SPAG9: variants seen among roughly 807,000 people sequenced by gnomAD.
SPAG9 encodes sperm associated antigen 9, also known as C-Jun-amino-terminal kinase-interacting protein 4.
Under a neutral mutation model 166.5 loss-of-function variants are expected in SPAG9, and 35 were observed. The ratio of observed to expected loss-of-function variants is 0.21; its 90% CI spans 0.16 to 0.28. The LOEUF (loss-of-function observed/expected upper bound fraction) is 0.28. SPAG9 is among the 10% of genes least tolerant of loss of function. The pLI is 1.00. For missense variants in SPAG9, 1,235 were observed against 1,603.3 expected (o/e 0.77, Z 3.92); for synonymous variants, 534 against 565.5 (o/e 0.94, Z 0.79).
chr17:51,063,545 T>G (rs2047577601), intron 2 of SPAG9, among the ~76,000 whole-genome samples: 1 of 152,208 alleles, frequency 6.6e-6, no homozygotes, highest in African/African-American at 2.4e-5. Flanking sequence ...GTCTGTAACC[T>G]GTTAAATAAC....
intron 1 of SPAG9, among the ~76,000 whole-genome samples, chr17:51,110,975 G>A (rs1378363762): frequency 1.3e-5 from 2 of 152,066 alleles, no homozygotes; most frequent in Admixed American, 1.3e-4. Context: ...AATTAGCCGG[G>A]TGTGGTGGCG....
chr17:51,032,565 A>G (rs1224737059), intron 5 of SPAG9, among the ~76,000 whole-genome samples: 1 of 152,180 alleles, frequency 6.6e-6, no homozygotes. Flanking sequence ...ACAAAGCAAC[A>G]GTTTCAAATA....
chr17:50,990,718 A>AT lies in SPAG9; in HGVS notation c.2399-51dup, dbSNP rs771696434. On this transcript the variant is annotated intron_variant, in intron 19 of 29. Transcript: ENST00000262013. The stretch of plus-strand genomic sequence containing the variant: ...AGCAAAGTAAACTTCTATAAATAAC[A>AT]TTTTTTTTACTAAAACAATTACAGG... The AT allele has an allele frequency of 6.2e-5, 91 of 1,472,146 alleles. 1 individual carries two copies. Among genetic ancestry groups the AT allele is most frequent in the African/African-American group, 1.7e-4 (12 of 71,862 alleles). 91.2% of individuals were successfully genotyped at this position (1,472,146 alleles called of 1,614,324 possible).
In SPAG9 at chr17:50,982,614, G is replaced by A; in HGVS notation, c.3147C>T (p.Ser1049=). Residue 1049 remains serine (S), a synonymous_variant, in exon 25 of 30, where the codon TCC becomes TCT. Coordinates refer to ENST00000262013, the MANE Select transcript of SPAG9 (RefSeq NM_001130528.3). ...CATGTACCACAGTCATGCAACGGAT[G>A]GAATGATGAGGCCGTCCAAGGTCTA... The part of the protein sequence containing the change: ...HLLDLGRPHH[S]IRCMTVVHDK... 1.2e-6 allele frequency: 2 copies of A among 1,613,814 alleles called. No individual in the cohort carries two copies. The highest frequency in any genetic ancestry group is 1.7e-6 in the Non-Finnish European group (2 of 1,179,860).
At chr17:51,053,871 A>AG (rs2047271626) in intron 3 of SPAG9, among the ~76,000 whole-genome samples, 40 of 97,336 alleles carry the variant, frequency 4.1e-4, no homozygotes, top group African/African-American at 1.7e-3. Flanking sequence ...ATATATATAT[A>AG]TATATATATA....
rs58721041 is a variant in SPAG9 at position 51,099,759 on chromosome 17, T to TAAAAAAA, written c.304-20062_304-20056dup. 3.2e-4 allele frequency among the ~76,000 whole-genome samples: 14 copies of TAAAAAAA among 43,650 alleles called. 1 individual carries two copies. Among genetic ancestry groups the TAAAAAAA allele is most frequent in the African/African-American group, 6.2e-4 (9 of 14,456 alleles). 28.6% of individuals were successfully genotyped at this position (43,650 alleles called of 152,430 possible). A position where few individuals can be genotyped will look rare whatever the true frequency, so the allele number is the denominator to read the frequency against. On this transcript the variant is annotated intron_variant, in intron 1 of 29. Coordinates refer to ENST00000262013, the MANE Select transcript of SPAG9 (RefSeq NM_001130528.3). ...TGTTATGAAAATATTCTTCTATTAC[T>TAAAAAAA]AAAAAAAAAAAAAAAAAAAAAAAAA...
intron 25 of SPAG9, among the ~76,000 whole-genome samples, 163 bp from the exon 26 acceptor site, chr17:50,980,080 G>A (rs1974483545): frequency 1.3e-5 from 2 of 152,110 alleles, no homozygotes; most frequent in Non-Finnish European, 2.9e-5. Context: ...ATCCTGGAAT[G>A]CAAAAAATAA....
At chr17:51,099,837 C>T (rs954409171) in intron 1 of SPAG9, among the ~76,000 whole-genome samples, 5 of 149,576 alleles carry the variant, frequency 3.3e-5, no homozygotes, top group East Asian at 2.0e-4. Context: ...CAGTGGCTCA[C>T]GCCTGTAATC....
At chr17:50,973,343 G>T (rs1360473404) in intron 28 of SPAG9, among the ~76,000 whole-genome samples, 1 of 152,108 alleles carries the variant, frequency 6.6e-6, no homozygotes, top group Non-Finnish European at 1.5e-5. Flanking sequence ...GGGATACAAA[G>T]GAGATTTAAA....
At chr17:51,007,351 C>G (rs761462463) in intron 9 of SPAG9, 25 bp from the exon 10 acceptor site, 1 of 1,403,788 alleles carries the variant, frequency 7.1e-7, no homozygotes, top group South Asian at 1.3e-5. Context: ...AAGATAAAGA[C>G]TTTGAAAATA....
chr17:51,077,021 TCTAG>T (rs1249662126), intron 2 of SPAG9, among the ~76,000 whole-genome samples: 1 of 76,122 alleles, frequency 1.3e-5, no homozygotes, highest in African/African-American at 6.7e-5. Context: ...TAGCTAGCTA[TCTAG>T]CTATCTATCT....
At chr17:51,034,933 T>C (rs935344965) in intron 5 of SPAG9, among the ~76,000 whole-genome samples, 1 of 152,142 alleles carries the variant, frequency 6.6e-6, no homozygotes, top group Admixed American at 6.5e-5. Context: ...CCAGTACTCT[T>C]CAAAAGTCTC....
At chr17:51,040,954 GTTTATA>G (rs2046815495) in intron 5 of SPAG9, among the ~76,000 whole-genome samples, 1 of 152,254 alleles carries the variant, frequency 6.6e-6, no homozygotes, top group Admixed American at 6.5e-5. Context: ...ATATATTATT[GTTTATA>G]TTTATCACTT....
chr17:51,020,339 GT>G (rs747229856), intron 7 of SPAG9, 81 bp from the exon 8 acceptor site: 167 of 871,362 alleles, frequency 1.9e-4, no homozygotes, highest in Non-Finnish European at 4.9e-5. Context: ...TTTTATGGGT[GT>G]AAAGGTATCA....
At chr17:51,009,151 G>A in intron 9 of SPAG9, 1 of 453,052 alleles carries the variant, frequency 2.2e-6, no homozygotes, top group South Asian at 1.6e-5. Flanking sequence ...CCCTACGTAA[G>A]CAGCCCAAGA....
chr17:51,055,980 A>G (rs567607386), intron 3 of SPAG9, among the ~76,000 whole-genome samples: 70 of 152,304 alleles, frequency 4.6e-4, no homozygotes, highest in African/African-American at 1.6e-3. Context: ...ATTATTTGTT[A>G]TGAGCTTAAT....
intron 4 of SPAG9, chr17:51,042,462 C>T (rs760903292): frequency 1.3e-5 from 2 of 152,078 alleles, no homozygotes; most frequent in Non-Finnish European, 2.9e-5. Flanking sequence ...AGCCTACTAA[C>T]GGGTCATCCT....
intron 3 of SPAG9, among the ~76,000 whole-genome samples, chr17:51,053,970 G>A (rs1274525072): frequency 7.3e-6 from 1 of 137,690 alleles, no homozygotes; most frequent in Non-Finnish European, 1.5e-5. Flanking sequence ...AGAGTACATT[G>A]TTTAGGCACT....
At chr17:51,037,684 T>TGTGTGTGTGTG (rs2046656036) in intron 5 of SPAG9, among the ~76,000 whole-genome samples, 1 of 83,212 alleles carries the variant, frequency 1.2e-5, no homozygotes, top group Admixed American at 1.3e-4. Flanking sequence ...TATATATATA[T>TGTGTGTGTGTG]AGTGTGTGTG....
Sources: allele counts gnomAD v4.1 joint callset (sites outside exome capture counted in the v4.1 genomes callset), GRCh38; gene constraint gnomAD v4.1.1; transcripts MANE v1.5; gene names NCBI Gene and HGNC (gene_info 2026-07-23, HGNC 2026-07-21).